The following KCNQ5 variants were observed in gnomAD, a reference collection of about 807,000 sequenced individuals.
The protein encoded by KCNQ5 is potassium voltage-gated channel subfamily Q member 5.
Under a neutral mutation model 98.2 loss-of-function variants are expected in KCNQ5, and 30 were observed. The observed-to-expected ratio is 0.31, with a 90% confidence interval of 0.23 to 0.41. The LOEUF is 0.41. Ranked by LOEUF, KCNQ5 falls within the 10% of genes least tolerant of loss-of-function variation. KCNQ5 has a pLI of 1.00. For missense variants in KCNQ5, 835 were observed against 1,182.5 expected, an observed-to-expected ratio of 0.71 and a Z score of 4.31; for synonymous variants, 458 against 449.4, an observed-to-expected ratio of 1.02 and a Z score of -0.24.
chr6:72,643,289 C>A (rs909330026), intron 1 of KCNQ5, among the ~76,000 whole-genome samples: 4 of 152,124 alleles, frequency 2.6e-5, no homozygotes, highest in African/African-American at 9.6e-5. Flanking sequence ...CTCCTTTGGT[C>A]ATGGAGATTT....
chr6:72,869,817 G>A (rs534347671), intron 1 of KCNQ5, among the ~76,000 whole-genome samples: 1 of 152,340 alleles, frequency 6.6e-6, no homozygotes, highest in South Asian at 2.1e-4. Context: ...TCGGGTCAAA[G>A]CTGGACATGG....
At chr6:72,768,731 A>G (rs999481511) in intron 1 of KCNQ5, among the ~76,000 whole-genome samples, 1 of 151,970 alleles carries the variant, frequency 6.6e-6, no homozygotes, top group Non-Finnish European at 1.5e-5. Context: ...GGGCTTCTTT[A>G]TAGTTACCTT....
chr6:72,791,852 C>T (rs1774067614), intron 1 of KCNQ5, among the ~76,000 whole-genome samples: 2 of 152,116 alleles, frequency 1.3e-5, no homozygotes, highest in African/African-American at 4.8e-5. Context: ...CATAAGGATG[C>T]CACTTCTCTG....
chr6:73,169,129 C>A (rs761023516), intron 10 of KCNQ5, among the ~76,000 whole-genome samples: 2 of 152,184 alleles, frequency 1.3e-5, no homozygotes, highest in Admixed American at 6.6e-5. Flanking sequence ...CTTCCCCAAA[C>A]ATTTGCAATT....
intron 1 of KCNQ5, among the ~76,000 whole-genome samples, chr6:72,709,837 C>A (rs1325008799): frequency 6.6e-6 from 1 of 152,138 alleles, no homozygotes; most frequent in Admixed American, 6.5e-5. Context: ...ATATTGAGCG[C>A]TCCCTGTGTT....
intron 1 of KCNQ5, among the ~76,000 whole-genome samples, chr6:72,957,305 G>A (rs1369357336): frequency 6.6e-6 from 1 of 151,658 alleles, no homozygotes; most frequent in East Asian, 1.9e-4. Flanking sequence ...CTAGTAGCTG[G>A]GATTACAGGC....
At chr6:72,683,264 G>T (rs528519901) in intron 1 of KCNQ5, among the ~76,000 whole-genome samples, 1 of 151,916 alleles carries the variant, frequency 6.6e-6, no homozygotes, top group Non-Finnish European at 1.5e-5. Context: ...TCAGGTACCT[G>T]TGGTCAGAGG....
intron 1 of KCNQ5, among the ~76,000 whole-genome samples, chr6:72,658,644 G>A (rs1300379389): frequency 1.4e-5 from 2 of 141,990 alleles, no homozygotes; most frequent in Non-Finnish European, 3.0e-5. Flanking sequence ...GCAGTGGCAC[G>A]ATCTCACCTT....
intron 1 of KCNQ5, among the ~76,000 whole-genome samples, chr6:72,868,082 A>G (rs1324334349): frequency 6.6e-6 from 1 of 152,162 alleles, no homozygotes. Flanking sequence ...ATAGAGTTAC[A>G]TGGACTGCAT....
chr6:72,823,900 G>A (rs1775870648), intron 1 of KCNQ5, among the ~76,000 whole-genome samples: 2 of 152,110 alleles, frequency 1.3e-5, no homozygotes. Flanking sequence ...CTATTAGTCT[G>A]ATCTACTTCA....
At chr6:72,686,228 T>C (rs1767943814) in intron 1 of KCNQ5, among the ~76,000 whole-genome samples, 1 of 152,198 alleles carries the variant, frequency 6.6e-6, no homozygotes, top group African/African-American at 2.4e-5. Context: ...TTTTGGCAGA[T>C]TTGCTATTGC....
chr6:72,922,546 C>T (rs1780445903), intron 1 of KCNQ5, among the ~76,000 whole-genome samples: 1 of 152,120 alleles, frequency 6.6e-6, no homozygotes, highest in Admixed American at 6.6e-5. Context: ...GTTGTATGCT[C>T]TGACCAACAT....
In KCNQ5 at chr6:72,926,799, T is replaced by C. The variant is rs190544861; in HGVS notation, c.399-77109T>C. On this transcript the variant is annotated intron_variant, in intron 1 of 13. Coordinates refer to ENST00000370398, the MANE Select transcript of KCNQ5 (RefSeq NM_019842.4). ...GATTTATAAATCATAAAAATGTTTATGTTTATTTGATAATATGTAGCAGAA... is the reference window on the plus strand; with the variant it reads ...GATTTATAAATCATAAAAATGTTTACGTTTATTTGATAATATGTAGCAGAA... Among the ~76,000 whole-genome samples the C allele has an allele frequency of 5.9e-3, 893 of 152,302 alleles. 10 individuals are homozygous for C. The highest frequency in any genetic ancestry group is 0.021 in the African/African-American group (868 of 41,570).
chr6:72,797,118 C>T (rs985933504), intron 1 of KCNQ5, among the ~76,000 whole-genome samples: 1 of 152,068 alleles, frequency 6.6e-6, no homozygotes, highest in Non-Finnish European at 1.5e-5. Flanking sequence ...TTATTTAATC[C>T]TAAATTTATC....
At position 73,133,647 on chromosome 6, in the gene KCNQ5, C is replaced by A; in HGVS notation, c.1468+6C>A. On this transcript the variant is annotated splice_donor_region_variant and intron_variant, in intron 10 of 13. Transcript: ENST00000370398. Reference sequence around the variant, plus strand: ...GCCAAAACCAGTGATAGATGGTAAGCCCTGTTTTTCCATAACCATTTTTAA... The same window carrying A: ...GCCAAAACCAGTGATAGATGGTAAGACCTGTTTTTCCATAACCATTTTTAA... 1 of 1,613,088 alleles carries A rather than the reference C, an allele frequency of 6.2e-7. No homozygotes were observed. The highest frequency in any genetic ancestry group is 1.1e-5 in the South Asian group (1 of 91,052).
intron 1 of KCNQ5, among the ~76,000 whole-genome samples, chr6:72,901,841 G>C (rs2150195244): frequency 6.6e-6 from 1 of 152,164 alleles, no homozygotes; most frequent in Admixed American, 6.5e-5. Context: ...CTCTTTTCTG[G>C]TTCCATATGA....
chr6:73,156,694 A>T (rs1408069564), intron 10 of KCNQ5, among the ~76,000 whole-genome samples: 1 of 152,228 alleles, frequency 6.6e-6, no homozygotes, highest in African/African-American at 2.4e-5. Flanking sequence ...TAAGTAACAT[A>T]TCACAATAAT....
At chr6:72,945,560 T>C (rs1259673273) in intron 1 of KCNQ5, among the ~76,000 whole-genome samples, 3 of 151,582 alleles carry the variant, frequency 2.0e-5, no homozygotes, top group African/African-American at 7.3e-5. Flanking sequence ...GTTCAAGTGG[T>C]TCTCCTGCCT....
intron 1 of KCNQ5, among the ~76,000 whole-genome samples, chr6:72,628,504 T>C (rs568694040): frequency 6.6e-6 from 1 of 152,352 alleles, no homozygotes; most frequent in South Asian, 2.1e-4. Context: ...ATCATTTCCT[T>C]TCCTCTTCTC....
Sources: allele counts gnomAD v4.1 joint callset (sites outside exome capture counted in the v4.1 genomes callset), GRCh38; gene constraint gnomAD v4.1.1; transcripts MANE v1.5; gene names NCBI Gene and HGNC (gene_info 2026-07-23, HGNC 2026-07-21).